The following BBS4 variants were observed in gnomAD, a reference collection of about 807,000 sequenced individuals.
BBS4 encodes the protein BBSome complex member BBS4.
Under a neutral mutation model 71.4 loss-of-function variants are expected in BBS4, and 58 were observed. The observed-to-expected ratio is 0.81, with a 90% CI of 0.66 to 1.01. The LOEUF is 1.01. Ranked by LOEUF, BBS4 falls within the 50% of genes least tolerant of loss-of-function variation. The pLI, the probability that BBS4 is intolerant of heterozygous loss-of-function variation, is 0.00. For missense variants in BBS4, 660 were observed against 607.9 expected (o/e 1.09, Z -0.90); for synonymous variants, 228 against 216.8 (o/e 1.05, Z -0.46).
At chr15:72,729,572 G>A (rs372675771) in intron 9 of BBS4, 44 bp from the exon 10 acceptor site, 22 of 1,590,920 alleles carry the variant, frequency 1.4e-5, no homozygotes, top group East Asian at 4.5e-5. Context: ...TTTAACTGCC[G>A]TCTCCTTGCT....
chr15:72,735,972 T>G lies in BBS4; in HGVS notation c.1248+6T>G. On this transcript the variant is annotated splice_donor_region_variant and intron_variant, in intron 14 of 15. Coordinates refer to ENST00000268057, the MANE Select transcript of BBS4 (RefSeq NM_033028.5). ...CTCTGGAATTTGACTCTGAGGTATG[T>G]CTTTTATTAGCTCCCAAGAGTCATA... The G allele has an allele frequency of 6.2e-7, 1 of 1,614,120 alleles. No individual in the cohort carries two copies. Among genetic ancestry groups the G allele is most frequent in the Non-Finnish European group, 8.5e-7 (1 of 1,180,000 alleles).
intron 2 of BBS4, among the ~76,000 whole-genome samples, chr15:72,708,499 T>C (rs758349169): frequency 4.6e-5 from 7 of 152,182 alleles, no homozygotes; most frequent in Non-Finnish European, 8.8e-5. Flanking sequence ...ATGATAATTG[T>C]GTTAACTGTA....
intron 3 of BBS4, among the ~76,000 whole-genome samples, chr15:72,710,836 G>A (rs1277853003): frequency 6.6e-6 from 1 of 151,572 alleles, no homozygotes; most frequent in Non-Finnish European, 1.5e-5. Flanking sequence ...TATTGCCCAG[G>A]CTAGAGTGCA....
chr15:72,711,875 C>CA (rs1323795220), intron 3 of BBS4, among the ~76,000 whole-genome samples: 3 of 148,940 alleles, frequency 2.0e-5, no homozygotes, highest in Non-Finnish European at 4.5e-5. Flanking sequence ...TATTTGTTTT[C>CA]TTTTTTTTTT....
At chr15:72,727,610 G>T (rs1401150547) in intron 8 of BBS4, among the ~76,000 whole-genome samples, 1 of 152,140 alleles carries the variant, frequency 6.6e-6, no homozygotes, top group Non-Finnish European at 1.5e-5. Flanking sequence ...GTTCTAGGCT[G>T]ACTTGGTTTA....
At chr15:72,705,857 T>C (rs1346787661) in intron 2 of BBS4, among the ~76,000 whole-genome samples, 4 of 152,008 alleles carry the variant, frequency 2.6e-5, no homozygotes, top group African/African-American at 9.7e-5. Flanking sequence ...AGTGCTGGGG[T>C]TACAGGCGTA....
chr15:72,688,264 T>C (rs957368463), intron 1 of BBS4, among the ~76,000 whole-genome samples: 3 of 152,068 alleles, frequency 2.0e-5, no homozygotes, highest in Admixed American at 2.0e-4. Context: ...TGTTTCGATA[T>C]GACTTAGCAA....
At chr15:72,694,956 A>G (rs191091926) in intron 1 of BBS4, among the ~76,000 whole-genome samples, 37 of 152,322 alleles carry the variant, frequency 2.4e-4, no homozygotes, top group African/African-American at 8.4e-4. Flanking sequence ...CATTGTAAAT[A>G]TTATAAATAT....
chr15:72,705,535 T>C (rs1233529728), intron 2 of BBS4, among the ~76,000 whole-genome samples: 1 of 151,338 alleles, frequency 6.6e-6, no homozygotes, highest in Non-Finnish European at 1.5e-5. Flanking sequence ...CCTTACAAAT[T>C]GAACACTTTT....
At chr15:72,698,065 C>CT in intron 2 of BBS4, 1 of 455,702 alleles carries the variant, frequency 2.2e-6, no homozygotes, top group Middle Eastern at 3.3e-4. Flanking sequence ...CTGCTTGAGT[C>CT]TATTTTCTTC....
In BBS4 at chr15:72,737,654, C is replaced by A; in HGVS notation, c.*67C>A. The A allele has an allele frequency of 7.7e-7, 1 of 1,291,392 alleles. No individual in the cohort carries two copies. The highest frequency in any genetic ancestry group is 1.1e-6 in the Non-Finnish European group (1 of 917,150). The allele number at this position is 1,291,392 out of a possible 1,614,324, so 80.0% of individuals were successfully genotyped here. On this transcript the variant is annotated 3_prime_UTR_variant, in exon 16 of 16. Transcript: ENST00000268057. ...GGATGTGCTGGATTAGGAAAGGTGA[C>A]ATGACACAGGCAGAGCAGAGTGGCA... is the stretch of plus-strand genomic sequence containing the variant.
chr15:72,690,771 A>G (rs1301058230), intron 1 of BBS4, among the ~76,000 whole-genome samples: 1 of 152,210 alleles, frequency 6.6e-6, no homozygotes, highest in Non-Finnish European at 1.5e-5. Context: ...TGTTTAAAAA[A>G]ACAGAAACAA....
At chr15:72,689,861 A>G (rs1257107952) in intron 1 of BBS4, among the ~76,000 whole-genome samples, 1 of 151,752 alleles carries the variant, frequency 6.6e-6, no homozygotes, top group Non-Finnish European at 1.5e-5. Context: ...CCCAGGCTGG[A>G]GCGCAGTGGC....
intron 7 of BBS4, among the ~76,000 whole-genome samples, chr15:72,723,103 C>T (rs531768819): frequency 6.6e-6 from 1 of 152,188 alleles, no homozygotes; most frequent in African/African-American, 2.4e-5. Context: ...TTTTTCTCTA[C>T]CTCCAGTTAA....
At chr15:72,715,097 T>C (rs2065444108) in intron 4 of BBS4, among the ~76,000 whole-genome samples, 194 bp from the exon 5 acceptor site, 1 of 152,176 alleles carries the variant, frequency 6.6e-6, no homozygotes. Context: ...TAAAAGACAG[T>C]TGAGCTTGTC....
In BBS4 at chr15:72,691,369, G is replaced by C. The variant is rs541457906; in HGVS notation, c.25-3808G>C. The stretch of plus-strand genomic sequence containing the variant: ...TGGAAACTTGTGTTCCTACTGCCCA[G>C]GTTAGGAAATGGGTTATTAATAACT... On this transcript the variant is annotated intron_variant, in intron 1 of 15. Transcript: ENST00000268057. Among the ~76,000 whole-genome samples, 4 of 152,194 alleles carry C rather than the reference G, an allele frequency of 2.6e-5. No individual in the cohort carries two copies. The East Asian group carries it at 7.7e-4, about 29-fold the overall frequency.
intron 1 of BBS4, among the ~76,000 whole-genome samples, chr15:72,689,028 GAAAA>G (rs539217064): frequency 1.5e-5 from 2 of 130,588 alleles, no homozygotes; most frequent in Non-Finnish European, 3.3e-5. Context: ...AACTCAGAAA[GAAAA>G]AAAAAAAAAG....
intron 3 of BBS4, 71 bp downstream of exon 3, chr15:72,709,850 C>A: frequency 1.7e-6 from 2 of 1,208,032 alleles, no homozygotes; most frequent in Non-Finnish European, 2.4e-6. Context: ...GCCTGCTAAA[C>A]AGAGTGTGGC....
Position 72,735,903 on chromosome 15 carries a change from T to C in BBS4, c.1185T>C (p.Tyr395=), listed in dbSNP as rs1034973830. 1.4e-5 allele frequency: 23 copies of C among 1,613,932 alleles called. No individual in the cohort carries two copies. The highest frequency in any genetic ancestry group is 1.7e-5 in the Non-Finnish European group (20 of 1,180,008). Reference sequence around the variant, plus strand: ...AGAAGAAGAACGCCCTGGCCCAATATCAGGAGATGGAGAAGAAAGTCAGCC... The same window carrying C: ...AGAAGAAGAACGCCCTGGCCCAATACCAGGAGATGGAGAAGAAAGTCAGCC... ...QGEKKNALAQ[Y]QEMEKKVSLL... Residue 395 remains tyrosine (Y), a synonymous_variant, in exon 14 of 16, where the codon TAT becomes TAC. Coordinates refer to ENST00000268057, the MANE Select transcript of BBS4 (RefSeq NM_033028.5).
Sources: allele counts gnomAD v4.1 joint callset (sites outside exome capture counted in the v4.1 genomes callset), GRCh38; gene constraint gnomAD v4.1.1; transcripts MANE v1.5; gene names NCBI Gene and HGNC (gene_info 2026-07-23, HGNC 2026-07-21).